ZNF544: variants seen among roughly 807,000 people sequenced by gnomAD.
ZNF544 encodes zinc finger protein 544.
ZNF544 carries 10 observed loss-of-function variants against 13.5 expected under a neutral mutation model. That is an observed-to-expected ratio of 0.74 (90% CI 0.46 to 1.25). ZNF544 has a LOEUF of 1.25. ZNF544 is among the 50% of genes most tolerant of loss of function. The pLI, the probability that ZNF544 is intolerant of heterozygous loss-of-function variation, is 0.00. For missense variants in ZNF544, 896 were observed against 845.6 expected (o/e 1.06, Z -0.74); for synonymous variants, 323 against 300.5 (o/e 1.07, Z -0.77).
chr19:58,229,704 A>T (rs1340911104), intron 2 of ZNF544, 134 bp downstream of exon 2: 1 of 152,376 alleles, frequency 6.6e-6, no homozygotes, highest in African/African-American at 2.4e-5. Context: ...GGTGCACCCC[A>T]TAGAGAGACT....
At chr19:58,264,672 C>T (rs754273077), downstream of ZNF544, among the ~76,000 whole-genome samples, 4 of 151,782 alleles carry the variant, frequency 2.6e-5, no homozygotes, top group Non-Finnish European at 2.9e-5. Flanking sequence ...GCTTGGGCAA[C>T]AGGGCAAGAC....
chr19:58,271,830 C>A lies in ZNF544; in HGVS notation c.245-4493C>A, dbSNP rs150454309. On this transcript the variant is annotated intron_variant, in intron 5 of 6. Transcript: ENST00000595981. Reference sequence around the variant, plus strand: ...CAACTGTCCTACTCTCCTTTTGATTCGGTGTCTCTGTATTAGTGATCTGAC... The same window carrying A: ...CAACTGTCCTACTCTCCTTTTGATTAGGTGTCTCTGTATTAGTGATCTGAC... Among the ~76,000 whole-genome samples, 6 of 152,210 alleles carry A rather than the reference C, an allele frequency of 3.9e-5. No homozygotes were observed. The East Asian group carries it at 1.2e-3, about 29-fold the overall frequency.
intron 6 of ZNF544, chr19:58,260,637 A>T: frequency 2.0e-6 from 1 of 501,896 alleles, no homozygotes; most frequent in Non-Finnish European, 3.5e-6. Flanking sequence ...TTACTTAGTC[A>T]CTTCTTTATT....
downstream of ZNF544, among the ~76,000 whole-genome samples, chr19:58,264,384 C>CA (rs34082011): frequency 8.7e-3 from 797 of 91,152 alleles, 20 homozygotes; most frequent in African/African-American, 0.021. Flanking sequence ...AACTTCATCT[C>CA]AAAAAAAAAA....
chr19:58,268,077 A>G (rs1600422325), downstream of ZNF544, among the ~76,000 whole-genome samples: 1 of 152,122 alleles, frequency 6.6e-6, no homozygotes. Context: ...AGGCGGGCGG[A>G]TCACCTGAGG....
chr19:58,272,860 G>A (rs931272476), intron 5 of ZNF544, among the ~76,000 whole-genome samples: 2 of 150,344 alleles, frequency 1.3e-5, no homozygotes, highest in South Asian at 2.1e-4. Flanking sequence ...GCTACAGAGC[G>A]AGTCTCCTTC....
rs898358928 is a variant in ZNF544, at chr19:58,262,072, A to G, written c.1466A>G (p.Glu489Gly). The change falls in exon 7 of 7, where the codon GAA becomes GGA. Residue 489 changes from glutamate to glycine, a missense_variant. Physicochemically the swap from Glu to Gly is moderately conservative, Grantham distance 98. Transcript: ENST00000687789. Reference sequence around the variant, plus strand: ...ACACATAAAAGAACGCACACTGGAGAAAAACCCTTCAAATGTACTCAGTGT... The same window carrying G: ...ACACATAAAAGAACGCACACTGGAGGAAAACCCTTCAAATGTACTCAGTGT... ...LVTHKRTHTG[E>G]KPFKCTQCGK... 1 of 1,611,434 alleles carries G rather than the reference A, an allele frequency of 6.2e-7. No homozygotes were observed. Among genetic ancestry groups the G allele is most frequent in the Admixed American group, 1.7e-5 (1 of 59,644 alleles).
intron 3 of ZNF544, among the ~76,000 whole-genome samples, chr19:58,234,062 C>G (rs921299308): frequency 6.6e-6 from 1 of 152,218 alleles, no homozygotes; most frequent in Non-Finnish European, 1.5e-5. Context: ...GAGTCCTGGC[C>G]TTTGGTGATA....
intron 5 of ZNF544, 50 bp from the exon 6 acceptor site, chr19:58,246,661 G>A (rs1163669952): frequency 2.6e-5 from 41 of 1,597,498 alleles, no homozygotes; most frequent in Non-Finnish European, 3.3e-5. Context: ...CCAGGACATG[G>A]TTCTTGGTGT....
intron 5 of ZNF544, among the ~76,000 whole-genome samples, chr19:58,272,551 G>A (rs551389652): frequency 6.4e-4 from 97 of 151,366 alleles, no homozygotes; most frequent in African/African-American, 2.3e-3. Context: ...GTGAGACCCT[G>A]TTTCTTTAAA....
chr19:58,231,520 G>A (rs2041217508), intron 3 of ZNF544, among the ~76,000 whole-genome samples: 1 of 152,140 alleles, frequency 6.6e-6, no homozygotes, highest in African/African-American at 2.4e-5. Context: ...ATTTGCTAGG[G>A]AAGGAAGCTG....
At position 58,261,738 on chromosome 19, in the gene ZNF544, A is replaced by G. The variant is rs1246514810; in HGVS notation, c.1132A>G (p.Lys378Glu). The change falls in exon 7 of 7, where the codon AAG becomes GAG. Residue 378 changes from lysine (K) to glutamate (E), a missense_variant. Lys to Glu is a moderately conservative substitution (Grantham distance 56, BLOSUM62 1). Coordinates refer to ENST00000687789, the MANE Select transcript of ZNF544 (RefSeq NM_014480.4). The stretch of plus-strand genomic sequence containing the variant: ...ACACCAGAGAACACACACTGGAGAA[A>G]AGCCCTTCGAATGTACTCAGTGTGG... ...LIHQRTHTGE[K>E]PFECTQCGKS... 9.9e-6 allele frequency: 16 copies of G among 1,614,236 alleles called. No individual in the cohort carries two copies. In the East Asian group the frequency reaches 3.6e-4, roughly 36 times the overall value.
chr19:58,272,736 G>A (rs1325407493), intron 5 of ZNF544, among the ~76,000 whole-genome samples: 1 of 151,040 alleles, frequency 6.6e-6, no homozygotes, highest in African/African-American at 2.4e-5. Flanking sequence ...ACGTGGTGGT[G>A]CGTGCCTGTA....
In ZNF544 at chr19:58,262,161, C is replaced by G; in HGVS notation, c.1555C>G (p.Pro519Ala). Residue 519 changes from proline (P) to alanine (A), a missense_variant, in exon 7 of 7, where the codon CCC (proline) becomes GCC (alanine). Transcript: ENST00000687789. Reference protein sequence around the residue: ...VHQRTHTGEKPYECNLCGKSF... With the variant: ...VHQRTHTGEKAYECNLCGKSF... ...TCAGAGGACACACACTGGAGAGAAG[C>G]CCTATGAGTGCAACCTGTGTGGGAA... is the stretch of plus-strand genomic sequence containing the variant. 6.2e-7 allele frequency: 1 copy of G among 1,613,766 alleles called. No individual in the cohort carries two copies. The highest frequency in any genetic ancestry group is 8.5e-7 in the Non-Finnish European group (1 of 1,179,982).
intron 2 of ZNF544, chr19:58,230,171 A>G (rs2040907043): frequency 6.6e-6 from 1 of 152,172 alleles, no homozygotes; most frequent in Non-Finnish European, 1.5e-5. Context: ...AGGAAAGAGA[A>G]AGCAACTCCC....
chr19:58,271,936 C>T (rs1006168897), intron 5 of ZNF544, among the ~76,000 whole-genome samples: 8 of 151,738 alleles, frequency 5.3e-5, no homozygotes, highest in South Asian at 2.1e-4. Context: ...CCGAGGCGGG[C>T]GGATCACTTG....
intron 3 of ZNF544, among the ~76,000 whole-genome samples, chr19:58,241,928 T>C (rs1478483584): frequency 6.7e-6 from 1 of 149,664 alleles, no homozygotes; most frequent in Non-Finnish European, 1.5e-5. Context: ...CACTTCTCTC[T>C]CTCTCTCTCT....
At chr19:58,238,883 T>C (rs1251623964) in intron 3 of ZNF544, among the ~76,000 whole-genome samples, 2 of 150,806 alleles carry the variant, frequency 1.3e-5, no homozygotes, top group African/African-American at 2.4e-5. Context: ...AAAAAAAAAT[T>C]ACAATGCCCT....
chr19:58,259,140 T>C (rs1048410005), intron 6 of ZNF544: 1 of 152,244 alleles, frequency 6.6e-6, no homozygotes, highest in Non-Finnish European at 1.5e-5. Context: ...TAAGGACCTG[T>C]CTGAAGTGGC....
Sources: allele counts gnomAD v4.1 joint callset (sites outside exome capture counted in the v4.1 genomes callset), GRCh38; gene constraint gnomAD v4.1.1; transcripts MANE v1.5; gene names NCBI Gene and HGNC (gene_info 2026-07-23, HGNC 2026-07-21).